Variants in STAG1 observed in about 807,000 individuals in gnomAD.
The protein encoded by STAG1 is STAG1 cohesin complex component.
Under a neutral mutation model 170.9 loss-of-function variants are expected in STAG1, and 26 were observed. The observed-to-expected ratio is 0.15, with a 90% confidence interval of 0.11 to 0.21. The LOEUF (loss-of-function observed/expected upper bound fraction) is 0.21, where lower values mean the gene tolerates loss of function less well. Ranked by LOEUF, STAG1 falls within the 10% of genes least tolerant of loss-of-function variation. The pLI is 1.00. For missense variants in STAG1, 964 were observed against 1,509.5 expected (o/e 0.64, Z 5.99); for synonymous variants, 514 against 497.7 (o/e 1.03, Z -0.44).
intron 4 of STAG1, among the ~76,000 whole-genome samples, chr3:136,599,689 T>C (rs1395603889): frequency 6.6e-6 from 1 of 152,192 alleles, no homozygotes; most frequent in Non-Finnish European, 1.5e-5. Flanking sequence ...ACATTCTAAC[T>C]GAGTCCAATA....
At chr3:136,431,500 G>A (rs2088303646) in intron 16 of STAG1, among the ~76,000 whole-genome samples, 1 of 152,052 alleles carries the variant, frequency 6.6e-6, no homozygotes, top group Admixed American at 6.5e-5. Flanking sequence ...TCGAACTCCT[G>A]ACCTTGTGAT....
At chr3:136,374,114 T>C (rs1356972862) in intron 23 of STAG1, among the ~76,000 whole-genome samples, 1 of 152,092 alleles carries the variant, frequency 6.6e-6, no homozygotes, top group East Asian at 1.9e-4. Flanking sequence ...TTTGTCCCTT[T>C]TGATCTTTGT....
intron 10 of STAG1, among the ~76,000 whole-genome samples, chr3:136,474,116 A>C (rs2089688069): frequency 6.6e-6 from 1 of 152,180 alleles, no homozygotes; most frequent in Admixed American, 6.5e-5. Context: ...CAATGTTTAA[A>C]ACAGAGGCAA....
chr3:136,730,449 G>GA (rs1477395841), intron 1 of STAG1, among the ~76,000 whole-genome samples: 3 of 152,128 alleles, frequency 2.0e-5, no homozygotes, highest in Admixed American at 1.3e-4. Context: ...GTAACATTGG[G>GA]AAAAGGTACT....
In STAG1 at chr3:136,417,939, A is replaced by G. The variant is rs1875953; in HGVS notation, c.2142T>C (p.Gly714=). 1.9e-6 allele frequency: 3 copies of G among 1,613,934 alleles called. No individual in the cohort carries two copies. Among genetic ancestry groups the G allele is most frequent in the Non-Finnish European group, 2.5e-6 (3 of 1,179,898 alleles). The change falls in exon 21 of 34, where the codon GGT becomes GGC. Residue 714 remains glycine (G), a synonymous_variant. Coordinates refer to ENST00000383202, the MANE Select transcript of STAG1 (RefSeq NM_005862.3). ...AHDLTKWDLF[G]NCYRLLKTGI... ...CAGTCTTCAATAATCTGTAGCAATTACCAAAGAGATCCCATTTTGTGAGAT... is the reference window on the plus strand; with the variant it reads ...CAGTCTTCAATAATCTGTAGCAATTGCCAAAGAGATCCCATTTTGTGAGAT...
intron 16 of STAG1, among the ~76,000 whole-genome samples, chr3:136,432,888 AC>A: frequency 6.6e-6 from 1 of 152,344 alleles, no homozygotes; most frequent in Middle Eastern, 3.4e-3. Context: ...GCATGTGGGT[AC>A]ATGTGTATTG....
intron 6 of STAG1, among the ~76,000 whole-genome samples, chr3:136,528,494 A>ACCGC (rs552035486): frequency 1.3e-4 from 9 of 71,352 alleles, no homozygotes; most frequent in South Asian, 4.9e-4. Context: ...ATGTCCCCGC[A>ACCGC]CCCCCCCCCC....
chr3:136,699,115 C>G (rs897710932), intron 1 of STAG1, among the ~76,000 whole-genome samples: 1 of 152,138 alleles, frequency 6.6e-6, no homozygotes. Context: ...ATATTGGGCA[C>G]AGTGTACACT....
intron 5 of STAG1, among the ~76,000 whole-genome samples, chr3:136,555,988 A>G (rs1245532648): frequency 6.6e-6 from 1 of 152,208 alleles, no homozygotes; most frequent in Non-Finnish European, 1.5e-5. Flanking sequence ...AGATACTAGC[A>G]AACCAAACCT....
intron 9 of STAG1, among the ~76,000 whole-genome samples, chr3:136,498,210 TTATATATATA>T (rs374645920): frequency 3.5e-4 from 18 of 50,840 alleles, no homozygotes; most frequent in South Asian, 1.3e-3. Flanking sequence ...AAAAAAAAAA[TTATATATATA>T]TATATATATA....
chr3:136,714,975 T>C (rs1329613739), intron 1 of STAG1, among the ~76,000 whole-genome samples: 3 of 109,910 alleles, frequency 2.7e-5, no homozygotes, highest in East Asian at 4.3e-4. Flanking sequence ...TTTATATATA[T>C]ATTTTTATAT....
chr3:136,430,581 G>A (rs1380333145), intron 16 of STAG1, among the ~76,000 whole-genome samples: 1 of 150,718 alleles, frequency 6.6e-6, no homozygotes, highest in Non-Finnish European at 1.5e-5. Context: ...CAATTGTCTG[G>A]GGCTACACAT....
chr3:136,509,289 G>A (rs1170298469), intron 7 of STAG1, among the ~76,000 whole-genome samples: 1 of 151,936 alleles, frequency 6.6e-6, no homozygotes, highest in Non-Finnish European at 1.5e-5. Flanking sequence ...AGGAAATGTA[G>A]CTTTGAGGAG....
At chr3:136,614,743 T>C (rs1939495886) in intron 3 of STAG1, among the ~76,000 whole-genome samples, 1 of 152,144 alleles carries the variant, frequency 6.6e-6, no homozygotes, top group South Asian at 2.1e-4. Flanking sequence ...CTAGAATAGG[T>C]TAAGTTGCAG....
In STAG1 at chr3:136,472,395, G is replaced by A; in HGVS notation, c.1205+18C>T. On this transcript the variant is annotated intron_variant, in intron 12 of 33. Coordinates refer to ENST00000383202, the MANE Select transcript of STAG1 (RefSeq NM_005862.3). ...TTAAAATATCAATAAAGTTAAAATA[G>A]TAATGGATATTACTTACTGAAGTAT... The A allele has an allele frequency of 6.4e-7, 1 of 1,569,658 alleles. No homozygotes were observed. The highest frequency in any genetic ancestry group is 1.1e-5 in the South Asian group (1 of 88,968).
At chr3:136,539,664 AGTGT>A (rs1235523571) in intron 6 of STAG1, among the ~76,000 whole-genome samples, 1 of 152,234 alleles carries the variant, frequency 6.6e-6, no homozygotes, top group African/African-American at 2.4e-5. Context: ...TCAAGAGCGA[AGTGT>A]ATGTATTGAC....
At chr3:136,586,090 C>A (rs1289545081) in intron 4 of STAG1, among the ~76,000 whole-genome samples, 1 of 151,980 alleles carries the variant, frequency 6.6e-6, no homozygotes, top group Admixed American at 6.6e-5. Flanking sequence ...AGTTAGGTTC[C>A]CTCTTTGAAA....
At chr3:136,653,913 GAA>G (rs1315566545) in intron 1 of STAG1, among the ~76,000 whole-genome samples, 1 of 152,144 alleles carries the variant, frequency 6.6e-6, no homozygotes, top group Non-Finnish European at 1.5e-5. Context: ...TCTCAATGCA[GAA>G]AAGGTATGAG....
At chr3:136,673,696 C>T (rs1942043146) in intron 1 of STAG1, among the ~76,000 whole-genome samples, 1 of 152,106 alleles carries the variant, frequency 6.6e-6, no homozygotes, top group Non-Finnish European at 1.5e-5. Context: ...GATGATAATG[C>T]TTTTGTCTCC....
Sources: gnomAD v4.1 joint callset for allele counts (sites outside exome capture counted in the v4.1 genomes callset) on GRCh38, gnomAD v4.1.1 for gene constraint, MANE v1.5 for transcripts, NCBI Gene and HGNC (gene_info 2026-07-23, HGNC 2026-07-21) for gene names.